TMEM74: variants seen among roughly 807,000 people sequenced by gnomAD.
TMEM74 encodes transmembrane protein 74.
Under a neutral mutation model 18.1 loss-of-function variants are expected in TMEM74, and 13 were observed. That is an observed-to-expected ratio of 0.72 (90% CI 0.47 to 1.14). The LOEUF is 1.14. Among genes scored for constraint, TMEM74 ranks in the 50% most tolerant of loss-of-function variants. The pLI is 0.00. For synonymous variants in TMEM74, 159 were observed against 146.6 expected (o/e 1.08, Z -0.61); for missense variants, 372 against 375.9 (o/e 0.99, Z 0.09).
chr8:108,785,586 T>C (rs1440074846), intron 1 of TMEM74, among the ~76,000 whole-genome samples: 3 of 152,196 alleles, frequency 2.0e-5, no homozygotes, highest in East Asian at 1.9e-4. Flanking sequence ...TTCAGTAAGA[T>C]TGTAAGTGTT....
chr8:108,687,570 A>T (rs1018653440), intron 1 of TMEM74, among the ~76,000 whole-genome samples: 1 of 152,066 alleles, frequency 6.6e-6, no homozygotes, highest in African/African-American at 2.4e-5. Flanking sequence ...ATAATTATAC[A>T]ACTCACCATA....
chr8:108,627,014 T>C (rs78749395), intron 2 of TMEM74, among the ~76,000 whole-genome samples: 2,912 of 152,166 alleles, frequency 0.019, 84 homozygotes, highest in East Asian at 0.059. Flanking sequence ...AATATGCAAA[T>C]TCTCTTGTTC....
At chr8:108,748,683 GTT>G (rs61210114) in intron 1 of TMEM74, among the ~76,000 whole-genome samples, 3,153 of 132,704 alleles carry the variant, frequency 0.024, 122 homozygotes, top group African/African-American at 0.081. Context: ...TTCTTCTAGG[GTT>G]TTTTTTTTTT....
At chr8:108,640,639 T>A (rs968224894) in intron 2 of TMEM74, among the ~76,000 whole-genome samples, 1 of 151,530 alleles carries the variant, frequency 6.6e-6, no homozygotes, top group African/African-American at 2.4e-5. Context: ...GATTAGCAAA[T>A]TTTTTTTTGG....
chr8:108,669,062 C>T (rs1224695312), intron 1 of TMEM74, among the ~76,000 whole-genome samples: 1 of 151,998 alleles, frequency 6.6e-6, no homozygotes, highest in Non-Finnish European at 1.5e-5. Context: ...GATCTTGGCT[C>T]CTTACACACC....
intron 1 of TMEM74, among the ~76,000 whole-genome samples, chr8:108,745,943 G>T (rs528811041): frequency 6.6e-6 from 1 of 152,038 alleles, no homozygotes; most frequent in African/African-American, 2.4e-5. Flanking sequence ...TCATGTACCC[G>T]CTGTTTGCTG....
intron 1 of TMEM74, among the ~76,000 whole-genome samples, chr8:108,770,009 A>G (rs971961113): frequency 8.0e-5 from 12 of 150,886 alleles, no homozygotes; most frequent in Admixed American, 2.6e-4. Flanking sequence ...ATGGAGTTTT[A>G]TCACATCATA....
At chr8:108,617,655 C>T (rs1421771328) in intron 2 of TMEM74, among the ~76,000 whole-genome samples, 1 of 151,776 alleles carries the variant, frequency 6.6e-6, no homozygotes, top group Non-Finnish European at 1.5e-5. Flanking sequence ...GCTGATCTAA[C>T]AGGAAGAACC....
chr8:108,687,202 G>T (rs1309134527), intron 1 of TMEM74, among the ~76,000 whole-genome samples: 1 of 151,776 alleles, frequency 6.6e-6, no homozygotes, highest in Non-Finnish European at 1.5e-5. Flanking sequence ...AAGTGCAAGA[G>T]ATTATTTTGA....
chr8:108,657,856 AAAAATATAT>A (rs1327602571), intron 1 of TMEM74, among the ~76,000 whole-genome samples: 1 of 69,816 alleles, frequency 1.4e-5, no homozygotes, highest in East Asian at 5.3e-4. Flanking sequence ...AAAAAAAAAA[AAAAATATAT>A]ATATATATAT....
intron 1 of TMEM74, among the ~76,000 whole-genome samples, chr8:108,756,643 A>AAGGAAGG (rs1563543724): frequency 3.9e-4 from 19 of 49,060 alleles, no homozygotes; most frequent in African/African-American, 1.4e-3. Flanking sequence ...AGGAAGGAAG[A>AAGGAAGG]AAGAAAGAGA....
In TMEM74 at chr8:108,745,169, G is replaced by C. The variant is rs570104243; in HGVS notation, n.119+42307C>G. 2.9e-3 allele frequency among the ~76,000 whole-genome samples: 445 copies of C among 152,094 alleles called. 1 individual carries two copies. The highest frequency in any genetic ancestry group is 9.4e-3 in the African/African-American group (389 of 41,486). On this transcript the variant is annotated intron_variant and non_coding_transcript_variant, in intron 1 of 3. Coordinates refer to the TMEM74 transcript ENST00000518838. ...CTCTTTCTTCCTCTGTTTAGTTGGG[G>C]GGACCACTCTCCTAATTTCCCCATA... is the stretch of plus-strand genomic sequence containing the variant.
At chr8:108,731,127 G>A (rs1023410274) in intron 1 of TMEM74, among the ~76,000 whole-genome samples, 1 of 150,982 alleles carries the variant, frequency 6.6e-6, no homozygotes, top group Non-Finnish European at 1.5e-5. Context: ...CCTTTTTTGT[G>A]TGTCTTAGAA....
chr8:108,685,621 C>T (rs1442116424), intron 1 of TMEM74, among the ~76,000 whole-genome samples: 1 of 152,056 alleles, frequency 6.6e-6, no homozygotes, highest in Non-Finnish European at 1.5e-5. Flanking sequence ...ATAAGGGTGC[C>T]TAATTCTATC....
chr8:108,761,303 T>G (rs2130662240), intron 1 of TMEM74, among the ~76,000 whole-genome samples: 2 of 152,202 alleles, frequency 1.3e-5, no homozygotes, highest in Middle Eastern at 6.8e-3. Context: ...TTCCCCAACA[T>G]ATAAATAGAA....
chr8:108,738,339 C>T (rs1813768523), intron 1 of TMEM74, among the ~76,000 whole-genome samples: 1 of 152,120 alleles, frequency 6.6e-6, no homozygotes, highest in African/African-American at 2.4e-5. Flanking sequence ...GTGCACAGTT[C>T]AGAACATTCA....
At chr8:108,760,283 T>A (rs1192132962) in intron 1 of TMEM74, among the ~76,000 whole-genome samples, 1 of 151,576 alleles carries the variant, frequency 6.6e-6, no homozygotes, top group Non-Finnish European at 1.5e-5. Context: ...TGATTGCAAG[T>A]GGAACTTCCA....
intron 1 of TMEM74, among the ~76,000 whole-genome samples, chr8:108,708,764 G>C (rs1007122082): frequency 3.0e-5 from 4 of 131,698 alleles, no homozygotes; most frequent in African/African-American, 1.2e-4. Context: ...ATACCTAAAA[G>C]GGGTTAATTT....
chr8:108,668,063 T>C (rs1402441942), intron 1 of TMEM74, among the ~76,000 whole-genome samples: 2 of 152,208 alleles, frequency 1.3e-5, no homozygotes, highest in Non-Finnish European at 2.9e-5. Context: ...TTGGCTAAGA[T>C]ACCATGCTCT....
Sources: allele counts gnomAD v4.1 joint callset (sites outside exome capture counted in the v4.1 genomes callset), GRCh38; gene constraint gnomAD v4.1.1; transcripts MANE v1.5; gene names NCBI Gene and HGNC (gene_info 2026-07-23, HGNC 2026-07-21).